Variants in CDH12 observed in about 807,000 individuals in gnomAD.
CDH12 encodes the protein cadherin 12.
A neutral mutation model predicts 74.1 loss-of-function variants in CDH12; 41 were observed. The observed-to-expected ratio is 0.55, with a 90% CI of 0.43 to 0.72. The LOEUF is 0.72. Among genes scored for constraint, CDH12 ranks in the 30% least tolerant of loss-of-function variants. CDH12 has a pLI of 0.00. For missense variants in CDH12, 945 were observed against 977.2 expected (o/e 0.97, Z 0.44); for synonymous variants, 399 against 355.0 (o/e 1.12, Z -1.39).
intron 8 of CDH12, among the ~76,000 whole-genome samples, chr5:21,819,548 T>G (rs1234130600): frequency 6.6e-6 from 1 of 152,064 alleles, no homozygotes; most frequent in Admixed American, 6.6e-5. Flanking sequence ...CGATTGGTCA[T>G]AGTCCAAACT....
At chr5:22,522,201 G>GT (rs1737084682) in intron 1 of CDH12, among the ~76,000 whole-genome samples, 1 of 152,156 alleles carries the variant, frequency 6.6e-6, no homozygotes, top group Non-Finnish European at 1.5e-5. Flanking sequence ...AGTTAGTATG[G>GT]TATTAATGCA....
intron 1 of CDH12, among the ~76,000 whole-genome samples, chr5:22,731,497 G>C (rs1387399969): frequency 6.6e-6 from 1 of 151,810 alleles, no homozygotes; most frequent in Non-Finnish European, 1.5e-5. Flanking sequence ...GTGAAAATTA[G>C]TAGATACACA....
At chr5:22,194,913 A>G (rs1033038356) in intron 4 of CDH12, among the ~76,000 whole-genome samples, 10 of 152,058 alleles carry the variant, frequency 6.6e-5, no homozygotes, top group Admixed American at 3.9e-4. Context: ...CTTTTTTTCT[A>G]AGAGTATAAG....
intron 6 of CDH12, among the ~76,000 whole-genome samples, chr5:21,970,490 C>T (rs562403354): frequency 1.5e-4 from 23 of 152,162 alleles, no homozygotes; most frequent in Admixed American, 7.9e-4. Context: ...ATGTAAAGTA[C>T]AGACACAGTC....
At chr5:21,914,737 T>G (rs1321055960) in intron 6 of CDH12, among the ~76,000 whole-genome samples, 2 of 152,200 alleles carry the variant, frequency 1.3e-5, no homozygotes, top group Non-Finnish European at 2.9e-5. Flanking sequence ...GAAAATCTCC[T>G]TTACTTAAAG....
intron 4 of CDH12, chr5:22,142,492 G>T: frequency 3.2e-6 from 2 of 630,040 alleles, no homozygotes; most frequent in Admixed American, 3.9e-5. Flanking sequence ...CTGAGAATGG[G>T]GTTCAGGATA....
At chr5:22,767,363 C>CT (rs1746571346) in intron 1 of CDH12, among the ~76,000 whole-genome samples, 1 of 151,720 alleles carries the variant, frequency 6.6e-6, no homozygotes, top group South Asian at 2.1e-4. Context: ...GACTATTTTC[C>CT]TTTTGCACTT....
intron 4 of CDH12, among the ~76,000 whole-genome samples, chr5:22,092,491 C>A (rs1743494353): frequency 6.6e-6 from 1 of 151,964 alleles, no homozygotes; most frequent in Non-Finnish European, 1.5e-5. Flanking sequence ...CACACATGGA[C>A]AATATGCCCA....
chr5:21,825,664 G>C (rs1257368051), intron 8 of CDH12, among the ~76,000 whole-genome samples: 2 of 152,080 alleles, frequency 1.3e-5, no homozygotes, highest in African/African-American at 4.8e-5. Flanking sequence ...ACCCATCATT[G>C]TGTAGTAAAG....
At chr5:22,295,861 C>G (rs995332186) in intron 3 of CDH12, among the ~76,000 whole-genome samples, 1 of 151,958 alleles carries the variant, frequency 6.6e-6, no homozygotes, top group South Asian at 2.1e-4. Flanking sequence ...CAAGCCAATA[C>G]TGGATTTTTC....
intron 1 of CDH12, among the ~76,000 whole-genome samples, chr5:22,623,616 A>G (rs1195715310): frequency 6.6e-6 from 1 of 152,204 alleles, no homozygotes; most frequent in African/African-American, 2.4e-5. Context: ...AGGGACATGA[A>G]GGACCTCTTC....
At chr5:22,840,154 T>C (rs1737020065) in intron 1 of CDH12, among the ~76,000 whole-genome samples, 1 of 152,180 alleles carries the variant, frequency 6.6e-6, no homozygotes, top group Non-Finnish European at 1.5e-5. Context: ...ACAGTCTCGC[T>C]TTATCACCCA....
At chr5:22,453,462 T>A (rs1433866504) in intron 2 of CDH12, among the ~76,000 whole-genome samples, 1 of 152,132 alleles carries the variant, frequency 6.6e-6, no homozygotes, top group Non-Finnish European at 1.5e-5. Flanking sequence ...GAGGACATTA[T>A]ATTAAGTGAA....
At chr5:22,516,058 T>A (rs952436080) in intron 1 of CDH12, among the ~76,000 whole-genome samples, 5 of 152,144 alleles carry the variant, frequency 3.3e-5, no homozygotes, top group Non-Finnish European at 5.9e-5. Flanking sequence ...TTAAACCCCA[T>A]TTAATGATGC....
At chr5:22,118,855 C>G (rs1184369442) in intron 4 of CDH12, among the ~76,000 whole-genome samples, 2 of 151,982 alleles carry the variant, frequency 1.3e-5, no homozygotes, top group African/African-American at 4.8e-5. Context: ...AATTGCTTTT[C>G]TGACTAGAAT....
At chr5:21,826,207 G>A (rs1748660867) in intron 8 of CDH12, among the ~76,000 whole-genome samples, 1 of 151,850 alleles carries the variant, frequency 6.6e-6, no homozygotes, top group Non-Finnish European at 1.5e-5. Context: ...TACTATACTT[G>A]GCAAAATATC....
At chr5:22,266,522 T>A (rs1270634545) in intron 3 of CDH12, among the ~76,000 whole-genome samples, 1 of 152,194 alleles carries the variant, frequency 6.6e-6, no homozygotes, top group Non-Finnish European at 1.5e-5. Flanking sequence ...TTCACTTTAA[T>A]AATCACAATA....
chr5:22,424,002 C>CAAAAAAAAAA (rs1165781089), intron 2 of CDH12, among the ~76,000 whole-genome samples: 210 of 30,766 alleles, frequency 6.8e-3, no homozygotes, highest in Middle Eastern at 0.031. Context: ...GACTCTGTCT[C>CAAAAAAAAAA]AAAAAAAAAA....
chr5:21,760,615 A>G lies in CDH12; in HGVS notation c.1576T>C (p.Phe526Leu). 6.2e-7 allele frequency: 1 copy of G among 1,612,494 alleles called. No individual in the cohort carries two copies. Among genetic ancestry groups the G allele is most frequent in the Non-Finnish European group, 8.5e-7 (1 of 1,178,702 alleles). Residue 526 changes from phenylalanine to leucine, a missense_variant, in exon 13 of 15, where the codon TTT (phenylalanine) becomes CTT (leucine). This residue lies in a region of CDH12 where 791 missense variants were observed against 792.8 expected (regional missense o/e 1.00). Transcript: ENST00000382254. ...ATAGCAGCCTCAGGTGATAATCTAA[A>G]GGAGAATTGTTGCCCAGCAGGTGAA... The part of the protein sequence containing the change: ...DLSPAGQQFS[F>L]RLSPEAAIKP...
Sources: gnomAD v4.1 joint callset for allele counts (sites outside exome capture counted in the v4.1 genomes callset) on GRCh38, gnomAD v4.1.1 for gene constraint, gnomAD v4.1.1 regional missense constraint, MANE v1.5 for transcripts, NCBI Gene and HGNC (gene_info 2026-07-23, HGNC 2026-07-21) for gene names.